The following TKFC variants were observed in gnomAD, a reference collection of about 807,000 sequenced individuals.
TKFC encodes triokinase/FMN cyclase.
In TKFC, 46 loss-of-function variants were observed where a neutral mutation model predicts 61.0. That is an observed-to-expected ratio of 0.75 (90% confidence interval 0.60 to 0.96). The LOEUF (loss-of-function observed/expected upper bound fraction) is 0.96, where lower values mean the gene tolerates loss of function less well. TKFC is among the 50% of genes least tolerant of loss of function. TKFC has a pLI of 0.00. For synonymous variants in TKFC, 314 were observed against 330.1 expected, an observed-to-expected ratio of 0.95 and a Z score of 0.53; for missense variants, 715 against 777.5, an observed-to-expected ratio of 0.92 and a Z score of 0.96.
At position 61,337,929 on chromosome 11, in the gene TKFC, C is replaced by A; in HGVS notation, c.4-12C>A. 3.8e-6 allele frequency: 6 copies of A among 1,594,744 alleles called. No homozygotes were observed. The highest frequency in any genetic ancestry group is 5.1e-6 in the Non-Finnish European group (6 of 1,171,382). Reference sequence around the variant, plus strand: ...ACCACATTCTGACCTCCTTCTCACTCCTCCCTTGCAGACCTCCAAGAAGCT... The same window carrying A: ...ACCACATTCTGACCTCCTTCTCACTACTCCCTTGCAGACCTCCAAGAAGCT... On this transcript the variant is annotated splice_polypyrimidine_tract_variant and intron_variant, in intron 2 of 17. Coordinates refer to ENST00000394900, the MANE Select transcript of TKFC (RefSeq NM_015533.4).
At chr11:61,337,745 T>C (rs974313706) in intron 2 of TKFC, among the ~76,000 whole-genome samples, 196 bp from the exon 3 acceptor site, 1 of 152,230 alleles carries the variant, frequency 6.6e-6, no homozygotes, top group Non-Finnish European at 1.5e-5. Flanking sequence ...AATTAGGTAC[T>C]GAATAGAAAG....
chr11:61,341,996 C>T (rs1488535063), intron 7 of TKFC, 84 bp downstream of exon 7: 4 of 1,312,186 alleles, frequency 3.0e-6, no homozygotes, highest in Non-Finnish European at 3.2e-6. Flanking sequence ...GAGCCATCAA[C>T]CTGGTCCTCT....
At position 61,333,292 on chromosome 11, in the gene TKFC, T is replaced by C; in HGVS notation, c.-147T>C. 1 of 236,588 alleles carries C rather than the reference T, an allele frequency of 4.2e-6. No individual in the cohort carries two copies. Among genetic ancestry groups the C allele is most frequent in the Non-Finnish European group, 8.1e-6 (1 of 123,038 alleles). The allele number at this position is 236,588 out of a possible 1,614,324, so 14.7% of individuals were successfully genotyped here. On this transcript the variant is annotated 5_prime_UTR_variant, in exon 1 of 18. Transcript: ENST00000394900. ...GGGTCTCCGGGAAGTCGCGGCGCCT[T>C]CGGATGTGGCGGATGCGGCCGTGAG...
Position 61,342,489 on chromosome 11 carries a change from G to A in TKFC, c.684G>A (p.Arg228=). The A allele has an allele frequency of 6.2e-7, 1 of 1,614,094 alleles. No individual in the cohort carries two copies. Among genetic ancestry groups the A allele is most frequent in the Middle Eastern group, 1.6e-4 (1 of 6,062 alleles). ...LGIHGEAGVR[R]IKMATADEIV... Reference sequence around the variant, plus strand: ...TCCACGGGGAAGCTGGTGTGCGCCGGATAAAGGTAGGTGGTCCCTCTGGCA... The same window carrying A: ...TCCACGGGGAAGCTGGTGTGCGCCGAATAAAGGTAGGTGGTCCCTCTGGCA... The change falls in exon 8 of 18, where the codon CGG becomes CGA. Residue 228 remains arginine (R), a synonymous_variant. Transcript: ENST00000394900.
At chr11:61,345,986 T>C (rs1298545938) in intron 17 of TKFC, 40 bp downstream of exon 17, 1 of 1,598,420 alleles carries the variant, frequency 6.3e-7, no homozygotes, top group African/African-American at 1.3e-5. Flanking sequence ...GAGACAGGCT[T>C]CTAGCCAGCA....
Position 61,338,536 on chromosome 11 carries a change from G to T in TKFC, c.193+406G>T, listed in dbSNP as rs140923314. Among the ~76,000 whole-genome samples the T allele has an allele frequency of 4.4e-3, 667 of 152,242 alleles. 1 individual carries two copies. Among genetic ancestry groups the T allele is most frequent in the African/African-American group, 0.015 (629 of 41,560 alleles). On this transcript the variant is annotated intron_variant, in intron 3 of 17. Transcript: ENST00000394900. ...TGTCCTGGCTTCTTTCCTGTGTGGAGCCAGGGACGCAGACTCTCCTTGAGG... is the reference window on the plus strand; with the variant it reads ...TGTCCTGGCTTCTTTCCTGTGTGGATCCAGGGACGCAGACTCTCCTTGAGG...
chr11:61,344,040 C>T (rs912020541), intron 12 of TKFC, 65 bp downstream of exon 12: 43 of 1,597,500 alleles, frequency 2.7e-5, no homozygotes, highest in African/African-American at 6.7e-5. Flanking sequence ...TACGGTGGGG[C>T]GGGTAGGGGC....
At chr11:61,350,938 C>T, downstream of TKFC, 1 of 1,547,534 alleles carries the variant, frequency 6.5e-7, no homozygotes, top group East Asian at 2.3e-5. Context: ...GTGGGAGATC[C>T]TTCTCTAGAC....
At chr11:61,342,543 G>T in intron 8 of TKFC, 31 bp from the exon 9 acceptor site, 1 of 1,614,060 alleles carries the variant, frequency 6.2e-7, no homozygotes. Context: ...AGGCCCCCCA[G>T]ATGCAGCTCA....
chr11:61,350,756 T>C (rs1002967552), downstream of TKFC: 2 of 612,336 alleles, frequency 3.3e-6, no homozygotes, highest in South Asian at 2.4e-5. Flanking sequence ...CCACAGTGAT[T>C]TGGGGGGGAA....
chr11:61,346,574 C>T lies in TKFC; in HGVS notation c.*71C>T. The T allele has an allele frequency of 6.6e-7, 1 of 1,517,024 alleles. No individual in the cohort carries two copies. Among genetic ancestry groups the T allele is most frequent in the Non-Finnish European group, 8.8e-7 (1 of 1,135,888 alleles). 94.0% of individuals were successfully genotyped at this position (1,517,024 alleles called of 1,614,324 possible). A position where few individuals can be genotyped will look rare whatever the true frequency, so the allele number is the denominator to read the frequency against. Reference sequence around the variant, plus strand: ...CTGAGGTGGCCTTTGTCACTTCCTTCTGCCTTCCAACCCTCACCTTCCCCC... The same window carrying T: ...CTGAGGTGGCCTTTGTCACTTCCTTTTGCCTTCCAACCCTCACCTTCCCCC... On this transcript the variant is annotated 3_prime_UTR_variant, in exon 18 of 18. Transcript: ENST00000394900. This position sits in a 1 kb window ranked among gnomAD's most constrained non-coding sequence, Gnocchi z 4.1.
intron 11 of TKFC, 198 bp from the exon 12 acceptor site, chr11:61,343,658 G>T: frequency 1.1e-6 from 1 of 917,348 alleles, no homozygotes; most frequent in Non-Finnish European, 1.7e-6. Flanking sequence ...TCCTCAGAGA[G>T]GCCTGACCCT....
Position 61,346,615 on chromosome 11 carries a change from G to T in TKFC, c.*112G>T. The T allele has an allele frequency of 1.3e-6, 2 of 1,490,806 alleles. No homozygotes were observed. Among genetic ancestry groups the T allele is most frequent in the Non-Finnish European group, 1.8e-6 (2 of 1,126,454 alleles). The allele number at this position is 1,490,806 out of a possible 1,614,324, so 92.3% of individuals were successfully genotyped here. A position where few individuals can be genotyped will look rare whatever the true frequency, so the allele number is the denominator to read the frequency against. ...ACCTTCCCCCGGCCTGGCCCCATTGGCCCACCCTCTAAGTTGAGCAGGAAA... is the reference window on the plus strand; with the variant it reads ...ACCTTCCCCCGGCCTGGCCCCATTGTCCCACCCTCTAAGTTGAGCAGGAAA... On this transcript the variant is annotated 3_prime_UTR_variant, in exon 18 of 18. Transcript: ENST00000394900. This position sits in a 1 kb window ranked among gnomAD's most constrained non-coding sequence, Gnocchi z 4.1.
chr11:61,339,889 T>C (rs1351175045), intron 5 of TKFC, among the ~76,000 whole-genome samples: 2 of 152,224 alleles, frequency 1.3e-5, no homozygotes, highest in African/African-American at 2.4e-5. Flanking sequence ...ATTCATCCAC[T>C]GAAAGCCTTC....
chr11:61,351,215 C>G (rs1007743021), downstream of TKFC: 1 of 1,499,660 alleles, frequency 6.7e-7, no homozygotes, highest in Non-Finnish European at 9.0e-7. Context: ...GTGGGAGACT[C>G]GATGTCACTA....
In TKFC at chr11:61,346,113, T is replaced by TA. The variant is rs560424098; in HGVS notation, c.1575+168dup. 3.0e-4 allele frequency: 344 copies of TA among 1,148,340 alleles called. No homozygotes were observed. Among genetic ancestry groups the TA allele is most frequent in the Non-Finnish European group, 4.0e-4 (332 of 830,390 alleles). The allele number at this position is 1,148,340 out of a possible 1,614,324, so 71.1% of individuals were successfully genotyped here. ...GAAGGTGGTTATGTGGCTAAGGAAA[T>TA]ATGTAGAGCCCCGCACACTGCCTGG... On this transcript the variant is annotated intron_variant, in intron 17 of 17. Transcript: ENST00000394900. The surrounding 1 kb of genome is among the most constrained non-coding windows in gnomAD (Gnocchi z 4.1).
chr11:61,338,144 G>C lies in TKFC; in HGVS notation c.193+14G>C. ...CTGCCCATGCTGGTGAGTATCCTGG[G>C]GTGGGGCAGGGGGTACTAGTGGAGT... On this transcript the variant is annotated intron_variant, in intron 3 of 17. Coordinates refer to ENST00000394900, the MANE Select transcript of TKFC (RefSeq NM_015533.4). 6 of 1,566,666 alleles carry C rather than the reference G, an allele frequency of 3.8e-6. No individual in the cohort carries two copies. The highest frequency in any genetic ancestry group is 5.2e-6 in the Non-Finnish European group (6 of 1,162,594).
chr11:61,341,623 C>T (rs2135024090), intron 6 of TKFC, 109 bp downstream of exon 6: 1 of 1,353,828 alleles, frequency 7.4e-7, no homozygotes, highest in Non-Finnish European at 1.0e-6. Context: ...GGTTATTCCC[C>T]AGGGGTCTAG....
In TKFC at chr11:61,346,088, G is replaced by A; in HGVS notation, c.1575+142G>A. 1 of 1,132,786 alleles carries A rather than the reference G, an allele frequency of 8.8e-7. No individual in the cohort carries two copies. Among genetic ancestry groups the A allele is most frequent in the Non-Finnish European group, 1.2e-6 (1 of 812,284 alleles). 70.2% of individuals were successfully genotyped at this position (1,132,786 alleles called of 1,614,324 possible). On this transcript the variant is annotated intron_variant, in intron 17 of 17. Transcript: ENST00000394900. The surrounding 1 kb of genome is among the most constrained non-coding windows in gnomAD (Gnocchi z 4.1). ...ACAATGGAGATGAGCACCTATCTCA[G>A]AAGGTGGTTATGTGGCTAAGGAAAT...
Sources: gnomAD v4.1 joint callset for allele counts (sites outside exome capture counted in the v4.1 genomes callset) on GRCh38, gnomAD v4.1.1 for gene constraint, Gnocchi (gnomAD v3.1) non-coding constraint, MANE v1.5 for transcripts, NCBI Gene and HGNC (gene_info 2026-07-23, HGNC 2026-07-21) for gene names.